KHDRBS2: variants seen among roughly 807,000 people sequenced by gnomAD.
The protein encoded by KHDRBS2 is KH RNA binding domain containing, signal transduction associated 2.
Under a neutral mutation model 44.3 loss-of-function variants are expected in KHDRBS2, and 26 were observed. The observed-to-expected ratio is 0.59, with a 90% confidence interval of 0.43 to 0.81. KHDRBS2 has a LOEUF of 0.81. KHDRBS2 is among the 40% of genes least tolerant of loss of function. The pLI is 0.00. For synonymous variants in KHDRBS2, 194 were observed against 151.1 expected, an observed-to-expected ratio of 1.28 and a Z score of -2.08; for missense variants, 476 against 433.1, an observed-to-expected ratio of 1.10 and a Z score of -0.88.
At chr6:61,558,313 A>G in the KHDRBS2 span, among the ~76,000 whole-genome samples, 1 of 152,024 alleles carries the variant, frequency 6.6e-6, no homozygotes, top group Non-Finnish European at 1.5e-5. Context: ...TGTTATTCCA[A>G]CACTTTGGGA....
chr6:61,651,088 C>A, the KHDRBS2 span, among the ~76,000 whole-genome samples: 1 of 151,972 alleles, frequency 6.6e-6, no homozygotes, highest in Admixed American at 6.6e-5. Context: ...AATAATAATA[C>A]AAATAATAAG....
rs1215915011 is a variant in KHDRBS2 at position 62,061,816 on chromosome 6, A to T, written c.220-13822T>A. On this transcript the variant is annotated intron_variant, in intron 2 of 8. Transcript: ENST00000281156. ...CCCATCACTTTCAGGTACACCAATC[A>T]GACGTAGATTTGGTCTTTTCACATA... 8.1e-5 allele frequency among the ~76,000 whole-genome samples: 12 copies of T among 148,038 alleles called. 1 individual carries two copies. In the Middle Eastern group the frequency reaches 0.01, roughly 128 times the overall value.
At chr6:62,257,175 G>A (rs1423619593) in intron 1 of KHDRBS2, among the ~76,000 whole-genome samples, 3 of 151,974 alleles carry the variant, frequency 2.0e-5, no homozygotes, top group African/African-American at 7.2e-5. Flanking sequence ...TAGATCTTCT[G>A]TCCCAATCTT....
chr6:61,993,688 T>G (rs1238685592), intron 3 of KHDRBS2, among the ~76,000 whole-genome samples: 1 of 141,426 alleles, frequency 7.1e-6, no homozygotes, highest in African/African-American at 2.6e-5. Flanking sequence ...TTTTTTTTGA[T>G]GTGAGCTTAT....
At chr6:62,272,781 T>A (rs372936091) in intron 1 of KHDRBS2, among the ~76,000 whole-genome samples, 4 of 152,280 alleles carry the variant, frequency 2.6e-5, no homozygotes, top group Admixed American at 1.3e-4. Context: ...GGAGTCAGAA[T>A]TAATTTTACA....
At chr6:61,608,287 T>C in the KHDRBS2 span, among the ~76,000 whole-genome samples, 4 of 149,388 alleles carry the variant, frequency 2.7e-5, no homozygotes, top group Non-Finnish European at 5.9e-5. Context: ...TACTCAACTC[T>C]CTCCCTTTAT....
chr6:61,542,907 C>G, the KHDRBS2 span, among the ~76,000 whole-genome samples: 1 of 151,908 alleles, frequency 6.6e-6, no homozygotes, highest in African/African-American at 2.4e-5. Context: ...GATATGATAA[C>G]TCTCAGGTAC....
At chr6:61,633,976 C>G in the KHDRBS2 span, among the ~76,000 whole-genome samples, 2 of 151,944 alleles carry the variant, frequency 1.3e-5, no homozygotes, top group Non-Finnish European at 2.9e-5. Flanking sequence ...TTTAAAAATT[C>G]TAAGTGGTGA....
chr6:61,786,478 C>A (rs1308691378), intron 6 of KHDRBS2, among the ~76,000 whole-genome samples: 2 of 151,792 alleles, frequency 1.3e-5, no homozygotes, highest in Admixed American at 1.3e-4. Context: ...ATAATTTTGT[C>A]AAGAGAGTGC....
At chr6:61,973,903 G>A (rs79035985) in intron 4 of KHDRBS2, among the ~76,000 whole-genome samples, 237 of 152,098 alleles carry the variant, frequency 1.6e-3, no homozygotes, top group Non-Finnish European at 2.7e-3. Flanking sequence ...TCTTAACTAT[G>A]TCAATAGGAT....
intron 4 of KHDRBS2, 58 bp from the exon 5 acceptor site, chr6:61,901,429 G>GA (rs202202725): frequency 0.16 from 153,932 of 952,540 alleles, 2,968 homozygotes; most frequent in African/African-American, 0.3. Flanking sequence ...CTCAGAGTTG[G>GA]AAAAAAAAAA....
At chr6:62,144,475 A>T (rs1372315927) in intron 2 of KHDRBS2, among the ~76,000 whole-genome samples, 5 of 151,900 alleles carry the variant, frequency 3.3e-5, no homozygotes, top group Non-Finnish European at 7.4e-5. Context: ...ACAGTAGCTC[A>T]ATAATCTTGT....
At chr6:61,957,015 A>T (rs1767519760) in intron 4 of KHDRBS2, among the ~76,000 whole-genome samples, 1 of 152,200 alleles carries the variant, frequency 6.6e-6, no homozygotes, top group Middle Eastern at 3.4e-3. Context: ...AATTGTGAAG[A>T]TTTCATGAAC....
chr6:61,859,968 ATTAT>A (rs1441563715), intron 6 of KHDRBS2, among the ~76,000 whole-genome samples: 1 of 151,988 alleles, frequency 6.6e-6, no homozygotes, highest in Non-Finnish European at 1.5e-5. Flanking sequence ...AATATGGGAC[ATTAT>A]TTGAGACATA....
chr6:61,917,686 T>A (rs565958754), intron 4 of KHDRBS2, among the ~76,000 whole-genome samples: 117 of 152,022 alleles, frequency 7.7e-4, no homozygotes, highest in African/African-American at 2.7e-3. Context: ...TTGTAACAAC[T>A]ATACCACTGT....
At chr6:62,006,168 G>A (rs140218246) in intron 3 of KHDRBS2, among the ~76,000 whole-genome samples, 3 of 151,990 alleles carry the variant, frequency 2.0e-5, no homozygotes, top group Non-Finnish European at 4.4e-5. Flanking sequence ...TAATACAACT[G>A]TAAAACAGCA....
chr6:61,796,522 T>G (rs1390359502), intron 6 of KHDRBS2, among the ~76,000 whole-genome samples: 1 of 152,036 alleles, frequency 6.6e-6, no homozygotes, highest in East Asian at 1.9e-4. Context: ...AACCTCGCTT[T>G]TGAGTCTATT....
chr6:62,184,619 T>A (rs1278744354), intron 1 of KHDRBS2, among the ~76,000 whole-genome samples: 2 of 151,738 alleles, frequency 1.3e-5, no homozygotes, highest in African/African-American at 2.4e-5. Context: ...CATTTAGAAA[T>A]TTGTCTTCAT....
At chr6:62,096,228 G>C (rs1308500044) in intron 2 of KHDRBS2, among the ~76,000 whole-genome samples, 3 of 151,860 alleles carry the variant, frequency 2.0e-5, no homozygotes, top group African/African-American at 7.2e-5. Context: ...TGGTCTAATA[G>C]AATCAATTTA....
Sources: gnomAD v4.1 joint callset for allele counts (sites outside exome capture counted in the v4.1 genomes callset) on GRCh38, gnomAD v4.1.1 for gene constraint, MANE v1.5 for transcripts, NCBI Gene and HGNC (gene_info 2026-07-23, HGNC 2026-07-21) for gene names.